Variants in ANKS1B observed in about 807,000 individuals in gnomAD.
The protein encoded by ANKS1B is ankyrin repeat and sterile alpha motif domain-containing protein 1B.
In ANKS1B, 36 loss-of-function variants were observed where a neutral mutation model predicts 148.3. That is an observed-to-expected ratio of 0.24 (90% confidence interval 0.19 to 0.32). The LOEUF is 0.32. Among genes scored for constraint, ANKS1B ranks in the 10% least tolerant of loss-of-function variants. The probability of loss-of-function intolerance (pLI) is 1.00; values close to 1 mark genes in which losing one functional copy is unlikely to be tolerated. For synonymous variants in ANKS1B, 542 were observed against 560.8 expected (o/e 0.97, Z 0.47); for missense variants, 1,157 against 1,542.6 (o/e 0.75, Z 4.19).
chr12:99,508,253 T>C (rs2096731695), intron 9 of ANKS1B, among the ~76,000 whole-genome samples: 1 of 151,826 alleles, frequency 6.6e-6, no homozygotes, highest in Non-Finnish European at 1.5e-5. Flanking sequence ...TTATTTAGGA[T>C]AATGTTATTA....
chr12:99,085,483 TC>T (rs1269113346), intron 15 of ANKS1B, among the ~76,000 whole-genome samples: 1 of 152,056 alleles, frequency 6.6e-6, no homozygotes, highest in African/African-American at 2.4e-5. Flanking sequence ...GAATCATTTT[TC>T]CCCCCTTGAT....
intron 1 of ANKS1B, among the ~76,000 whole-genome samples, chr12:99,826,680 C>T (rs531084914): frequency 1.3e-5 from 2 of 152,118 alleles, no homozygotes; most frequent in Non-Finnish European, 2.9e-5. Context: ...AAGTCTCTGA[C>T]TTACTTACAT....
chr12:99,252,379 G>A (rs1183135787), intron 12 of ANKS1B, among the ~76,000 whole-genome samples: 1 of 152,228 alleles, frequency 6.6e-6, no homozygotes, highest in Admixed American at 6.5e-5. Flanking sequence ...CAACAGCATA[G>A]TGTTCTTTTT....
chr12:98,792,797 T>C (rs2098894700), intron 22 of ANKS1B, among the ~76,000 whole-genome samples: 1 of 152,240 alleles, frequency 6.6e-6, no homozygotes, highest in Admixed American at 6.5e-5. Context: ...TCTTTTTCTT[T>C]CCCTGAATAG....
rs553633656 is a variant in ANKS1B at position 99,373,076 on chromosome 12, C to T, written c.1756+26555G>A. Among the ~76,000 whole-genome samples, 7 of 152,206 alleles carry T rather than the reference C, an allele frequency of 4.6e-5. 1 individual carries two copies. The highest frequency in any genetic ancestry group is 1.7e-4 in the African/African-American group (7 of 41,526). ...GTGAAAATCACCTTCTTCAAATATC[C>T]AAGAAGATCACTAGTAAATTTCAAG... On this transcript the variant is annotated intron_variant, in intron 12 of 26. Coordinates refer to ENST00000683438, the MANE Select transcript of ANKS1B (RefSeq NM_001352186.2).
chr12:98,928,775 A>C (rs1023967971), intron 17 of ANKS1B, among the ~76,000 whole-genome samples: 4 of 151,988 alleles, frequency 2.6e-5, no homozygotes, highest in Non-Finnish European at 1.5e-5. Flanking sequence ...AACCAGGAAA[A>C]AAACACAGAA....
At chr12:98,843,552 G>C (rs959245520) in intron 17 of ANKS1B, among the ~76,000 whole-genome samples, 3 of 152,038 alleles carry the variant, frequency 2.0e-5, no homozygotes, top group Non-Finnish European at 2.9e-5. Flanking sequence ...CAGATGTTCT[G>C]TTATAGCAAC....
At chr12:99,606,094 A>G (rs2097849248) in intron 9 of ANKS1B, among the ~76,000 whole-genome samples, 1 of 152,022 alleles carries the variant, frequency 6.6e-6, no homozygotes, top group Non-Finnish European at 1.5e-5. Context: ...AGTGATGTTG[A>G]GCATTTTTCC....
intron 22 of ANKS1B, among the ~76,000 whole-genome samples, chr12:98,790,239 C>T (rs73380422): frequency 0.049 from 7,507 of 152,136 alleles, 370 homozygotes; most frequent in African/African-American, 0.13. Context: ...CTGAGGAGCT[C>T]CTTCCTCTGA....
Position 98,831,907 on chromosome 12 carries a change from A to T in ANKS1B, c.2886+122T>A, listed in dbSNP as rs1302062475. 6 of 865,742 alleles carry T rather than the reference A, an allele frequency of 6.9e-6. No individual in the cohort carries two copies. In the Middle Eastern group the frequency reaches 7.2e-4, roughly 104 times the overall value. The allele number at this position is 865,742 out of a possible 1,614,324, so 53.6% of individuals were successfully genotyped here. A position where few individuals can be genotyped will look rare whatever the true frequency, so the allele number is the denominator to read the frequency against. On this transcript the variant is annotated intron_variant, in intron 18 of 26. Transcript: ENST00000683438. ...TGGGACTACAGACAGGCACAACCACACCTGGCTAAATTTTTTCTGTTTTCA... is the reference window on the plus strand; with the variant it reads ...TGGGACTACAGACAGGCACAACCACTCCTGGCTAAATTTTTTCTGTTTTCA...
chr12:99,247,162 G>A (rs2073965946), intron 12 of ANKS1B, among the ~76,000 whole-genome samples: 1 of 151,886 alleles, frequency 6.6e-6, no homozygotes, highest in African/African-American at 2.4e-5. Flanking sequence ...TTGAACCCAG[G>A]GTGTATGTTT....
intron 6 of ANKS1B, among the ~76,000 whole-genome samples, chr12:99,777,448 T>C (rs2063762206): frequency 6.6e-6 from 1 of 152,276 alleles, no homozygotes; most frequent in African/African-American, 2.4e-5. Context: ...TTTCATCTTA[T>C]ATAAACCAAT....
At chr12:99,140,778 T>C (rs956492757) in intron 15 of ANKS1B, among the ~76,000 whole-genome samples, 1 of 152,132 alleles carries the variant, frequency 6.6e-6, no homozygotes, top group African/African-American at 2.4e-5. Context: ...CTGAATCTAA[T>C]GATTACAAAT....
At chr12:99,074,012 A>C (rs1235619594) in intron 16 of ANKS1B, among the ~76,000 whole-genome samples, 1 of 152,188 alleles carries the variant, frequency 6.6e-6, no homozygotes, top group Non-Finnish European at 1.5e-5. Context: ...CTGGAGATTT[A>C]AAGGTCCCTT....
At position 99,411,777 on chromosome 12, in the gene ANKS1B, A is replaced by G. The variant is rs77968853; in HGVS notation, c.1576-11966T>C. 5.2e-3 allele frequency among the ~76,000 whole-genome samples: 797 copies of G among 152,288 alleles called. 6 individuals are homozygous for G. Among genetic ancestry groups the G allele is most frequent in the African/African-American group, 0.018 (762 of 41,546 alleles). ...TGATCTATTTGTCTATTCCTGTACTAACATCACACTCTCTTACTTACTGTA... is the reference window on the plus strand; with the variant it reads ...TGATCTATTTGTCTATTCCTGTACTGACATCACACTCTCTTACTTACTGTA... On this transcript the variant is annotated intron_variant, in intron 11 of 26. Coordinates refer to ENST00000683438, the MANE Select transcript of ANKS1B (RefSeq NM_001352186.2).
chr12:99,163,728 A>C (rs1465677071), intron 14 of ANKS1B, among the ~76,000 whole-genome samples: 3 of 152,164 alleles, frequency 2.0e-5, no homozygotes, highest in Admixed American at 2.0e-4. Context: ...ATATTATGTA[A>C]CATTTTGGAA....
intron 19 of ANKS1B, among the ~76,000 whole-genome samples, chr12:98,825,115 C>G (rs936279774): frequency 1.3e-5 from 2 of 152,044 alleles, no homozygotes; most frequent in African/African-American, 4.8e-5. Context: ...AGCTGTGAGG[C>G]CAAGCACTCA....
At chr12:99,391,685 C>T (rs1472870855) in intron 12 of ANKS1B, among the ~76,000 whole-genome samples, 3 of 152,204 alleles carry the variant, frequency 2.0e-5, no homozygotes, top group African/African-American at 4.8e-5. Flanking sequence ...TAACTAACAT[C>T]ACCCCATTAT....
chr12:99,609,736 C>A (rs2153338706), intron 9 of ANKS1B, among the ~76,000 whole-genome samples: 1 of 152,098 alleles, frequency 6.6e-6, no homozygotes, highest in Admixed American at 6.5e-5. Flanking sequence ...AAGACAAAGA[C>A]AACTGTCCCT....
Sources: allele counts gnomAD v4.1 joint callset (sites outside exome capture counted in the v4.1 genomes callset), GRCh38; gene constraint gnomAD v4.1.1; transcripts MANE v1.5; gene names NCBI Gene and HGNC (gene_info 2026-07-23, HGNC 2026-07-21).